Variants in ZC3H7A observed in about 807,000 individuals in gnomAD.
ZC3H7A encodes the protein zinc finger CCCH domain-containing protein 7A.
ZC3H7A carries 44 observed loss-of-function variants against 125.5 expected under a neutral mutation model. That is an observed-to-expected ratio of 0.35 (90% CI 0.28 to 0.45). The LOEUF (loss-of-function observed/expected upper bound fraction) is 0.45. ZC3H7A is among the 20% of genes least tolerant of loss of function. The pLI is 1.00. For missense variants in ZC3H7A, 977 were observed against 1,170.7 expected (o/e 0.83, Z 2.41); for synonymous variants, 399 against 391.2 (o/e 1.02, Z -0.23).
chr16:11,777,912 G>A (rs12445414), intron 4 of ZC3H7A, among the ~76,000 whole-genome samples: 27,214 of 151,578 alleles, frequency 0.18, 3,180 homozygotes, highest in East Asian at 0.48. Context: ...TCAGCTACTC[G>A]GGAAGCTGAG....
At chr16:11,782,601 CTTTTTTTTT>C (rs896160381) in intron 1 of ZC3H7A, 22 of 130,608 alleles carry the variant, frequency 1.7e-4, no homozygotes, top group African/African-American at 4.9e-4. Flanking sequence ...TTTTCATATT[CTTTTTTTTT>C]TTTTTTTTTT....
chr16:11,781,101 GAAA>G (rs1189581317), intron 3 of ZC3H7A, among the ~76,000 whole-genome samples: 1 of 150,728 alleles, frequency 6.6e-6, no homozygotes, highest in Non-Finnish European at 1.5e-5. Context: ...AAAAGAAAAA[GAAA>G]AAAAAAGTCC....
intron 1 of ZC3H7A, among the ~76,000 whole-genome samples, chr16:11,787,259 C>T (rs183811340): frequency 7.9e-5 from 12 of 152,212 alleles, no homozygotes; most frequent in African/African-American, 2.4e-4. Context: ...CTGCTGACCG[C>T]GCCACTACAA....
intron 1 of ZC3H7A, among the ~76,000 whole-genome samples, chr16:11,789,865 G>T (rs1216046687): frequency 6.6e-6 from 1 of 151,892 alleles, no homozygotes; most frequent in Non-Finnish European, 1.5e-5. Context: ...CAGATCACTT[G>T]AAGTCAGGAG....
At chr16:11,779,948 C>T (rs373986078) in intron 3 of ZC3H7A, among the ~76,000 whole-genome samples, 97 of 151,772 alleles carry the variant, frequency 6.4e-4, no homozygotes, top group African/African-American at 2.3e-3. Flanking sequence ...CACATTTTTA[C>T]GGACCCCTTG....
rs927344488 is a variant in ZC3H7A, at chr16:11,756,168, A to C, written c.2562+69T>G. ...CACAACGAGACTCCATCTCAAAAAA[A>C]AGAAAAGGGAAAAGAAAGGCTCCAT... On this transcript the variant is annotated intron_variant, in intron 21 of 22. Transcript: ENST00000355758. 5 of 1,553,188 alleles carry C rather than the reference A, an allele frequency of 3.2e-6. No individual in the cohort carries two copies. The Admixed American group carries it at 8.2e-5, about 26-fold the overall frequency.
chr16:11,771,206 G>A (rs571846489), intron 9 of ZC3H7A, among the ~76,000 whole-genome samples: 5 of 152,116 alleles, frequency 3.3e-5, no homozygotes, highest in East Asian at 1.9e-4. Context: ...TGGGCAACAC[G>A]GTGAAACTCC....
Position 11,779,436 on chromosome 16 carries a change from T to C in ZC3H7A, c.109-73A>G. On this transcript the variant is annotated intron_variant, in intron 3 of 22. Coordinates refer to ENST00000355758, the MANE Select transcript of ZC3H7A (RefSeq NM_014153.4). ...TGGTATAAGTAAATTTTAATTTTTA[T>C]ACCTAAAACTTCACAGGAAACAATG... The C allele has an allele frequency of 2.3e-6, 3 of 1,325,292 alleles. No homozygotes were observed. The South Asian group carries it at 4.0e-5, about 18-fold the overall frequency. The allele number at this position is 1,325,292 out of a possible 1,614,324, so 82.1% of individuals were successfully genotyped here.
chr16:11,752,101 T>TCCAGGCTGTAGAGACAGGAC (rs2052563578), intron 22 of ZC3H7A, among the ~76,000 whole-genome samples: 1 of 151,832 alleles, frequency 6.6e-6, no homozygotes, highest in South Asian at 2.1e-4. Flanking sequence ...AGACAGGGTT[T>TCCAGGCTGTAGAGACAGGAC]CACCATGTTG....
Position 11,770,835 on chromosome 16 carries a change from T to C in ZC3H7A, c.1056A>G (p.Leu352=). 6.2e-7 allele frequency: 1 copy of C among 1,614,162 alleles called. No individual in the cohort carries two copies. Among genetic ancestry groups the C allele is most frequent in the African/African-American group, 1.3e-5 (1 of 75,024 alleles). The change falls in exon 10 of 23, where the codon TTA becomes TTG. Residue 352 remains leucine (L), a synonymous_variant. Transcript: ENST00000355758. ...SEFYPPLTSS[L]EDFCSSLNSF... Reference sequence around the variant, plus strand: ...AATTTAAAGAAGAACAAAAATCTTCTAAGGATGAAGTCAAAGGTGGATAAA... The same window carrying C: ...AATTTAAAGAAGAACAAAAATCTTCCAAGGATGAAGTCAAAGGTGGATAAA...
In ZC3H7A at chr16:11,776,858, C is replaced by T. The variant is rs2053088444; in HGVS notation, c.358G>A (p.Ala120Thr). Residue 120 changes from alanine to threonine, a missense_variant, in exon 5 of 23, where the codon GCC becomes ACC. This residue lies in a region of ZC3H7A where 199 missense variants were observed against 256.1 expected (regional missense o/e 0.78). Transcript: ENST00000355758. ...EDCNIVLSLN[A>T]SNCKALYRKS... ...CGATACAGAGCTTTGCAGTTACTGG[C>T]ATTTAAACTGAGGACTATATTGCAG... 3.7e-6 allele frequency: 6 copies of T among 1,613,560 alleles called. No homozygotes were observed. The highest frequency in any genetic ancestry group is 5.1e-6 in the Non-Finnish European group (6 of 1,179,880).
At chr16:11,781,659 T>A (rs1471951408) in intron 2 of ZC3H7A, among the ~76,000 whole-genome samples, 195 bp from the exon 3 acceptor site, 2 of 150,082 alleles carry the variant, frequency 1.3e-5, no homozygotes, top group Non-Finnish European at 3.0e-5. Flanking sequence ...TACATATATA[T>A]ATATATATAT....
intron 15 of ZC3H7A, 30 bp from the exon 16 acceptor site, chr16:11,763,689 T>C (rs2052793736): frequency 7.8e-7 from 1 of 1,287,428 alleles, no homozygotes; most frequent in Middle Eastern, 2.1e-4. Context: ...ATTTTAATAT[T>C]GTTCTGCCAT....
Position 11,765,535 on chromosome 16 carries a change from A to G in ZC3H7A, c.1673T>C (p.Phe558Ser), listed in dbSNP as rs745587096. ...CCCAAGATGCTCCTGGAGAAGTTTGAACACAGTAAGGTTAATCTTTCCATT... is the reference window on the plus strand; with the variant it reads ...CCCAAGATGCTCCTGGAGAAGTTTGGACACAGTAAGGTTAATCTTTCCATT... The part of the protein sequence containing the change: ...GGNGKINLTV[F>S]KLLQEHLGEF... The change falls in exon 14 of 23, where the codon TTC (phenylalanine) becomes TCC (serine). Residue 558 changes from phenylalanine (F) to serine (S), a missense_variant. Around this residue, in one of 3 missense-constraint regions of ZC3H7A, gnomAD observed 436 missense variants for 603.2 expected, o/e 0.72. Coordinates refer to ENST00000355758, the MANE Select transcript of ZC3H7A (RefSeq NM_014153.4). This position sits in a 1 kb window ranked among gnomAD's most constrained non-coding sequence, Gnocchi z 4.8. 1 of 1,614,064 alleles carries G rather than the reference A, an allele frequency of 6.2e-7. No individual in the cohort carries two copies. Among genetic ancestry groups the G allele is most frequent in the Non-Finnish European group, 8.5e-7 (1 of 1,179,954 alleles).
chr16:11,786,192 C>G (rs1280348402), intron 1 of ZC3H7A, among the ~76,000 whole-genome samples: 2 of 152,096 alleles, frequency 1.3e-5, no homozygotes, highest in Non-Finnish European at 2.9e-5. Context: ...CTTAAGGGAC[C>G]ACCGGGCTTT....
At chr16:11,769,304 TA>T (rs901609714) in intron 10 of ZC3H7A, among the ~76,000 whole-genome samples, 1 of 151,984 alleles carries the variant, frequency 6.6e-6, no homozygotes, top group Admixed American at 6.6e-5. Flanking sequence ...CAAATTTAAA[TA>T]AAAACCTACT....
chr16:11,757,669 C>T (rs2052674973), intron 20 of ZC3H7A, among the ~76,000 whole-genome samples: 1 of 152,012 alleles, frequency 6.6e-6, no homozygotes, highest in Non-Finnish European at 1.5e-5. Flanking sequence ...CCAGTGGTGG[C>T]AGGAGTCATT....
At chr16:11,759,099 T>C in intron 19 of ZC3H7A, 1 of 152,448 alleles carries the variant, frequency 6.6e-6, no homozygotes, top group Non-Finnish European at 1.5e-5. Flanking sequence ...TTTCAAATAA[T>C]ACCTCTTCAG....
intron 1 of ZC3H7A, among the ~76,000 whole-genome samples, chr16:11,788,385 C>A (rs189839191): frequency 5.3e-5 from 8 of 152,214 alleles, no homozygotes; most frequent in Non-Finnish European, 1.0e-4. Context: ...ACAACTCTCA[C>A]GTCCATCCCC....
Sources: gnomAD v4.1 joint callset for allele counts (sites outside exome capture counted in the v4.1 genomes callset) on GRCh38, gnomAD v4.1.1 for gene constraint, gnomAD v4.1.1 regional missense constraint, Gnocchi (gnomAD v3.1) non-coding constraint, MANE v1.5 for transcripts, NCBI Gene and HGNC (gene_info 2026-07-23, HGNC 2026-07-21) for gene names.